The following PMS1 variants were observed in gnomAD, a reference collection of about 807,000 sequenced individuals.
PMS1 encodes the protein PMS1 homolog 1, mismatch repair system component.
Under a neutral mutation model 93.1 loss-of-function variants are expected in PMS1, and 79 were observed. The ratio of observed to expected loss-of-function variants is 0.85; its 90% CI spans 0.71 to 1.02. PMS1 has a LOEUF of 1.02. Among genes scored for constraint, PMS1 ranks in the 50% least tolerant of loss-of-function variants. The probability of loss-of-function intolerance (pLI) is 0.00; values close to 1 mark genes in which losing one functional copy is unlikely to be tolerated. For missense variants in PMS1, 1,064 were observed against 1,085.3 expected, an observed-to-expected ratio of 0.98 and a Z score of 0.28; for synonymous variants, 335 against 363.4, an observed-to-expected ratio of 0.92 and a Z score of 0.89.
intron 2 of PMS1, among the ~76,000 whole-genome samples, chr2:189,792,688 AATATATATATAT>A (rs3067428): frequency 0.041 from 5,222 of 127,256 alleles, 135 homozygotes; most frequent in South Asian, 0.073. Flanking sequence ...TATGGACACA[AATATATATATAT>A]ATATATATAT....
At chr2:189,817,802 C>T (rs1027157566) in intron 4 of PMS1, among the ~76,000 whole-genome samples, 2 of 152,192 alleles carry the variant, frequency 1.3e-5, no homozygotes, top group Admixed American at 6.5e-5. Flanking sequence ...CTTTAGACCA[C>T]ATAGACGAGG....
chr2:189,797,019 G>A lies in PMS1; in HGVS notation c.315+1068G>A, dbSNP rs369454373. On this transcript the variant is annotated intron_variant, in intron 3 of 12. Transcript: ENST00000441310. ...ATATTTAACTATAGCACTTCTCAGA[G>A]CCTTTACTATATTCAAGCACATTGT... Among the ~76,000 whole-genome samples the A allele has an allele frequency of 1.2e-4, 18 of 152,228 alleles. No individual in the cohort carries two copies. In the East Asian group the frequency reaches 3.1e-3, roughly 26 times the overall value.
rs78800852 is a variant in PMS1, at chr2:189,841,613, C to T, written c.583-2351C>T. ...ATCTTATTATACGTAATATCATTAC[C>T]ACTACTTCCTGACTACATAGATTCC... is the stretch of plus-strand genomic sequence containing the variant. On this transcript the variant is annotated intron_variant, in intron 5 of 12. Transcript: ENST00000441310. 7.5e-3 allele frequency among the ~76,000 whole-genome samples: 1,145 copies of T among 151,954 alleles called. 4 individuals carry two copies. Among genetic ancestry groups the T allele is most frequent in the Non-Finnish European group, 0.012 (788 of 67,974 alleles).
chr2:189,831,620 C>G (rs1440014847), intron 5 of PMS1, among the ~76,000 whole-genome samples: 1 of 152,066 alleles, frequency 6.6e-6, no homozygotes, highest in African/African-American at 2.4e-5. Context: ...AATGTATTAC[C>G]TTCATGAATT....
At chr2:189,813,608 T>A (rs1299068277) in intron 4 of PMS1, among the ~76,000 whole-genome samples, 1 of 152,240 alleles carries the variant, frequency 6.6e-6, no homozygotes, top group Non-Finnish European at 1.5e-5. Context: ...CAACTTCATA[T>A]TTTATTGCAA....
At chr2:189,867,469 C>T (rs563315995) in intron 10 of PMS1, among the ~76,000 whole-genome samples, 2 of 152,212 alleles carry the variant, frequency 1.3e-5, no homozygotes, top group Non-Finnish European at 2.9e-5. Flanking sequence ...CCTAACTTGA[C>T]AGTGTATTAT....
chr2:189,854,279 G>A lies in PMS1; in HGVS notation c.1007G>A (p.Cys336Tyr), dbSNP rs764276785. The change falls in exon 9 of 13, where the codon TGT (cysteine) becomes TAT (tyrosine). Residue 336 changes from cysteine to tyrosine, a missense_variant. Transcript: ENST00000441310. ...GCTCTTGAAAATCTGATGACGACTT[G>A]TTATGGACCATTACCTAGTACAAAT... ...LIALENLMTT[C>Y]YGPLPSTNSY... 6.3e-7 allele frequency: 1 copy of A among 1,599,836 alleles called. No homozygotes were observed.
chr2:189,805,601 C>A, intron 3 of PMS1, 51 bp from the exon 4 acceptor site: 1 of 1,333,138 alleles, frequency 7.5e-7, no homozygotes, highest in Non-Finnish European at 1.1e-6. Context: ...TGATAATGAA[C>A]CCATCGCAAT....
intron 5 of PMS1, among the ~76,000 whole-genome samples, chr2:189,836,414 T>C (rs1483618572): frequency 6.6e-6 from 1 of 152,224 alleles, no homozygotes; most frequent in Admixed American, 6.5e-5. Context: ...TGGAGGTTTG[T>C]GTGTATTTTT....
At chr2:189,785,634 T>C (rs2048241028) in intron 1 of PMS1, among the ~76,000 whole-genome samples, 1 of 152,046 alleles carries the variant, frequency 6.6e-6, no homozygotes, top group East Asian at 1.9e-4. Context: ...TAACTTGTGA[T>C]GAGGTTAATT....
rs151252740 is a variant in PMS1, at chr2:189,851,069, G to T, written c.700-1586G>T. On this transcript the variant is annotated intron_variant, in intron 6 of 12. Coordinates refer to ENST00000441310, the MANE Select transcript of PMS1 (RefSeq NM_000534.5). Reference sequence around the variant, plus strand: ...TTGTTGCACTGATTTGGTGTCTCAAGTTATTTTTCCATGAACTGGCCTGAT... The same window carrying T: ...TTGTTGCACTGATTTGGTGTCTCAATTTATTTTTCCATGAACTGGCCTGAT... 9.2e-5 allele frequency among the ~76,000 whole-genome samples: 14 copies of T among 152,254 alleles called. No individual in the cohort carries two copies. In the East Asian group the frequency reaches 2.7e-3, roughly 29 times the overall value.
chr2:189,829,883 C>G (rs1315618851), intron 5 of PMS1, among the ~76,000 whole-genome samples: 1 of 152,218 alleles, frequency 6.6e-6, no homozygotes, highest in Non-Finnish European at 1.5e-5. Context: ...CCACCATTAT[C>G]TGTCACCTGG....
In PMS1 at chr2:189,844,021, C is replaced by G. The variant is rs2054032608; in HGVS notation, c.640C>G (p.Leu214Val). 3 of 1,613,936 alleles carry G rather than the reference C, an allele frequency of 1.9e-6. No individual in the cohort carries two copies. The East Asian group carries it at 6.7e-5, about 36-fold the overall frequency. Residue 214 changes from leucine (L) to valine (V), a missense_variant, in exon 6 of 13, where the codon CTG (leucine) becomes GTG (valine). By Grantham distance (32) the Leu-to-Val change is conservative. Transcript: ENST00000441310. ...SDHKMALMSV[L>V]GTAVMNNMES... ...TCACAAGATGGCTCTCATGTCAGTT[C>G]TGGGGACTGCTGTTATGAACAATAT...
chr2:189,816,581 A>G (rs2051322766), intron 4 of PMS1, among the ~76,000 whole-genome samples: 1 of 152,140 alleles, frequency 6.6e-6, no homozygotes. Flanking sequence ...CTTTAACTCA[A>G]AAATTTTCTT....
chr2:189,851,370 C>G (rs1413838616), intron 6 of PMS1, among the ~76,000 whole-genome samples: 1 of 152,182 alleles, frequency 6.6e-6, no homozygotes, highest in Non-Finnish European at 1.5e-5. Context: ...CAGGTTCTCC[C>G]TGATGCCCAG....
chr2:189,786,201 G>C (rs954324890), intron 1 of PMS1, among the ~76,000 whole-genome samples: 5 of 152,170 alleles, frequency 3.3e-5, no homozygotes, highest in Non-Finnish European at 7.3e-5. Context: ...ATGACTGGGA[G>C]AGGAGGCAAA....
intron 5 of PMS1, among the ~76,000 whole-genome samples, chr2:189,827,075 A>G (rs535851471): frequency 4.6e-5 from 7 of 152,276 alleles, no homozygotes; most frequent in African/African-American, 1.7e-4. Flanking sequence ...TAGAACTAAT[A>G]AAGAATCATA....
intron 11 of PMS1, 30 bp downstream of exon 11, chr2:189,867,959 T>C: frequency 1.3e-6 from 2 of 1,564,624 alleles, no homozygotes; most frequent in South Asian, 2.2e-5. Flanking sequence ...TATTTTCTGA[T>C]GTGGAAAAAT....
chr2:189,876,428 A>G (rs1239818591), intron 12 of PMS1, among the ~76,000 whole-genome samples: 1 of 152,140 alleles, frequency 6.6e-6, no homozygotes, highest in African/African-American at 2.4e-5. Flanking sequence ...CCAAGGGTAA[A>G]TCAAAACACC....
Sources: gnomAD v4.1 joint callset for allele counts (sites outside exome capture counted in the v4.1 genomes callset) on GRCh38, gnomAD v4.1.1 for gene constraint, MANE v1.5 for transcripts, NCBI Gene and HGNC (gene_info 2026-07-23, HGNC 2026-07-21) for gene names.